The following ACSBG1 variants were observed in gnomAD, a reference collection of about 807,000 sequenced individuals.
The protein encoded by ACSBG1 is acyl-CoA synthetase bubblegum family member 1.
ACSBG1 carries 39 observed loss-of-function variants against 80.2 expected under a neutral mutation model. The observed-to-expected ratio is 0.49, with a 90% CI of 0.38 to 0.64. The LOEUF is 0.64. ACSBG1 is among the 30% of genes least tolerant of loss of function. The pLI is 0.00. For missense variants in ACSBG1, 828 were observed against 966.4 expected (o/e 0.86, Z 1.90); for synonymous variants, 392 against 379.5 (o/e 1.03, Z -0.38).
chr15:78,234,406 C>G lies in ACSBG1; in HGVS notation c.96G>C (p.Met32Ile). Residue 32 changes from methionine (M) to isoleucine (I), a missense_variant, in exon 1 of 14, where the codon ATG (methionine) becomes ATC (isoleucine). This residue lies in a region of ACSBG1 where 356 missense variants were observed against 363.5 expected (regional missense o/e 0.98). Coordinates refer to ENST00000258873, the MANE Select transcript of ACSBG1 (RefSeq NM_015162.5). Reference sequence around the variant, plus strand: ...ATTTTTCTTGGGTGGTCCTCACAATCATGTCCTGCCGGCTCTCCTGTGGGG... The same window carrying G: ...ATTTTTCTTGGGTGGTCCTCACAATGATGTCCTGCCGGCTCTCCTGTGGGG... ...RETPQESRQD[M>I]IVRTTQEKLK... is the part of the protein sequence containing the mutation. 3 of 1,612,852 alleles carry G rather than the reference C, an allele frequency of 1.9e-6. No individual in the cohort carries two copies. The highest frequency in any genetic ancestry group is 2.5e-6 in the Non-Finnish European group (3 of 1,180,040).
intron 11 of ACSBG1, 55 bp from the exon 12 acceptor site, chr15:78,174,579 GAACCACAACCCAAGCCTC>G (rs2074864199): frequency 1.3e-6 from 2 of 1,569,374 alleles, no homozygotes; most frequent in Non-Finnish European, 1.7e-6. Context: ...TGCCCCAGCT[GAACCACAACCCAAGCCTC>G]AACCACAACC....
At chr15:78,223,002 T>A (rs538348828) in intron 1 of ACSBG1, among the ~76,000 whole-genome samples, 4 of 152,210 alleles carry the variant, frequency 2.6e-5, no homozygotes, top group Non-Finnish European at 5.9e-5. Context: ...ATAGGTAGAA[T>A]CTAATTTCCC....
chr15:78,181,586 T>C (rs1420128427), intron 8 of ACSBG1, among the ~76,000 whole-genome samples: 1 of 145,640 alleles, frequency 6.9e-6, no homozygotes, highest in African/African-American at 2.5e-5. Context: ...CTCCACCTCC[T>C]GGGTTCACGC....
At chr15:78,229,899 C>T (rs1332422349) in intron 1 of ACSBG1, among the ~76,000 whole-genome samples, 4 of 152,292 alleles carry the variant, frequency 2.6e-5, no homozygotes, top group South Asian at 4.1e-4. Flanking sequence ...AGGAGTTAGC[C>T]GGTCCCCAAC....
In ACSBG1 at chr15:78,173,766, A is replaced by C; in HGVS notation, c.1916T>G (p.Val639Gly). ...TEQAMEFCQR[V>G]GSRATTVSEI... is the part of the protein sequence containing the mutation. Reference sequence around the variant, plus strand: ...GGACACTGTGGTGGCTCTGCTGCCCACCCTCTGGCAGAACTCCATAGCTTG... The same window carrying C: ...GGACACTGTGGTGGCTCTGCTGCCCCCCCTCTGGCAGAACTCCATAGCTTG... The change falls in exon 13 of 14, where the codon GTG becomes GGG. Residue 639 changes from valine to glycine, a missense_variant. Physicochemically the swap from Val to Gly is moderately radical, Grantham distance 109. This residue lies in a region of ACSBG1 where 201 missense variants were observed against 227.0 expected (regional missense o/e 0.89). Coordinates refer to ENST00000258873, the MANE Select transcript of ACSBG1 (RefSeq NM_015162.5). 3 of 1,613,946 alleles carry C rather than the reference A, an allele frequency of 1.9e-6. No individual in the cohort carries two copies. Among genetic ancestry groups the C allele is most frequent in the Non-Finnish European group, 2.5e-6 (3 of 1,180,004 alleles).
At chr15:78,202,994 A>G (rs1372003734) in intron 2 of ACSBG1, among the ~76,000 whole-genome samples, 1 of 152,212 alleles carries the variant, frequency 6.6e-6, no homozygotes, top group Non-Finnish European at 1.5e-5. Context: ...ATAAAGTACA[A>G]AAAGAATATT....
At chr15:78,228,410 T>C (rs1456729479) in intron 1 of ACSBG1, among the ~76,000 whole-genome samples, 9 of 152,308 alleles carry the variant, frequency 5.9e-5, no homozygotes, top group African/African-American at 1.9e-4. Context: ...TGTAATACAG[T>C]GGGTTGGACT....
At chr15:78,215,484 C>T (rs960437103) in intron 1 of ACSBG1, among the ~76,000 whole-genome samples, 2 of 152,016 alleles carry the variant, frequency 1.3e-5, no homozygotes, top group Non-Finnish European at 2.9e-5. Context: ...TGGTGAAACC[C>T]CGTCTCTACT....
At position 78,182,731 on chromosome 15, in the gene ACSBG1, G is replaced by T. The variant is rs553530270; in HGVS notation, c.718C>A (p.Pro240Thr). The change falls in exon 6 of 14, where the codon CCA (proline) becomes ACA (threonine). Residue 240 changes from proline to threonine, a missense_variant. By Grantham distance (38) the Pro-to-Thr change is conservative (BLOSUM62 -1). Coordinates refer to ENST00000258873, the MANE Select transcript of ACSBG1 (RefSeq NM_015162.5). ...KAVVIYKEPP[P>T]NKMANVYTME... ...GTGTACACATTGGCCATCTTGTTTG[G>T]AGGAGGTTCTTTATATATCACGACT... The T allele has an allele frequency of 1.2e-6, 2 of 1,614,242 alleles. No homozygotes were observed. The highest frequency in any genetic ancestry group is 3.3e-5 in the Admixed American group (2 of 60,034).
intron 5 of ACSBG1, among the ~76,000 whole-genome samples, chr15:78,186,545 A>C (rs1465500148): frequency 6.6e-6 from 1 of 152,248 alleles, no homozygotes; most frequent in Non-Finnish European, 1.5e-5. Flanking sequence ...AACTACATGG[A>C]AACTGAACAA....
chr15:78,207,917 T>TCCCCCCCCCCACCCCCCCCC, intron 2 of ACSBG1, 85 bp downstream of exon 2: 11 of 876,060 alleles, frequency 1.3e-5, no homozygotes, highest in East Asian at 8.1e-5. Context: ...TGTGTGGTGG[T>TCCCCCCCCCCACCCCCCCCC]CCCCCACACC....
intron 2 of ACSBG1, among the ~76,000 whole-genome samples, chr15:78,198,808 A>C (rs375167730): frequency 2.0e-5 from 3 of 152,356 alleles, no homozygotes; most frequent in East Asian, 3.9e-4. Flanking sequence ...TATGAAAAAT[A>C]AGGTGGCAGG....
chr15:78,173,718 T>C lies in ACSBG1; in HGVS notation c.1964A>G (p.Glu655Gly). ...TVSEIIEKKD[E>G]AVYQAIEEGI... is the part of the protein sequence containing the mutation. ...CTCTTCGATGGCCTGGTACACGGCC[T>C]CATCCTTCTTCTCTATGATCTCGGA... The change falls in exon 13 of 14, where the codon GAG becomes GGG. Residue 655 changes from glutamate to glycine, a missense_variant. Physicochemically the swap from Glu to Gly is moderately conservative, Grantham distance 98. Transcript: ENST00000258873. 6.2e-7 allele frequency: 1 copy of C among 1,614,260 alleles called. No individual in the cohort carries two copies. The highest frequency in any genetic ancestry group is 1.1e-5 in the South Asian group (1 of 91,084).
chr15:78,207,493 T>G (rs553877174), intron 2 of ACSBG1, among the ~76,000 whole-genome samples: 1 of 152,238 alleles, frequency 6.6e-6, no homozygotes, highest in East Asian at 1.9e-4. Context: ...AGAGTCAGAG[T>G]AAATAACTCT....
At position 78,178,695 on chromosome 15, in the gene ACSBG1, C is replaced by T. The variant is rs774297634; in HGVS notation, c.1621G>A (p.Asp541Asn). 9.9e-6 allele frequency: 16 copies of T among 1,613,878 alleles called. No homozygotes were observed. Among genetic ancestry groups the T allele is most frequent in the Middle Eastern group, 1.6e-4 (1 of 6,084 alleles). The change falls in exon 11 of 14, where the codon GAC becomes AAC. Residue 541 changes from aspartate (D) to asparagine (N), a missense_variant. Around this residue, in one of 3 missense-constraint regions of ACSBG1, gnomAD observed 271 missense variants for 375.9 expected, o/e 0.72. Coordinates refer to ENST00000258873, the MANE Select transcript of ACSBG1 (RefSeq NM_015162.5). The surrounding 1 kb of genome is among the most constrained non-coding windows in gnomAD (Gnocchi z 4.3). The part of the protein sequence containing the change: ...NMEDKTCEAI[D>N]EEGWLHTGDA... ...CCCGTGTGCAGCCAGCCTTCCTCGT[C>T]GATGGCCTCACAAGTCTTGTCCTCC... is the stretch of plus-strand genomic sequence containing the variant.
chr15:78,204,828 T>G (rs903545045), intron 2 of ACSBG1, among the ~76,000 whole-genome samples: 2 of 152,198 alleles, frequency 1.3e-5, no homozygotes, highest in Non-Finnish European at 2.9e-5. Flanking sequence ...CCCTAGCGCA[T>G]AGCTCCAGCC....
chr15:78,226,609 CAAAA>C, intron 1 of ACSBG1: 4 of 77,720 alleles, frequency 5.1e-5, no homozygotes, highest in Non-Finnish European at 1.0e-4. Flanking sequence ...TCCATCTCTA[CAAAA>C]AAAAAAAAAA....
intron 7 of ACSBG1, 140 bp downstream of exon 7, chr15:78,182,326 G>A (rs2074954943): frequency 2.2e-6 from 3 of 1,351,428 alleles, no homozygotes; most frequent in Non-Finnish European, 3.0e-6. Context: ...GCCACAGATT[G>A]ATGGGCTGTT....
intron 1 of ACSBG1, among the ~76,000 whole-genome samples, chr15:78,211,651 T>C (rs2075268183): frequency 6.6e-6 from 1 of 152,158 alleles, no homozygotes; most frequent in Non-Finnish European, 1.5e-5. Flanking sequence ...GCAAATATGA[T>C]GTAAGATGTG....
Sources: allele counts gnomAD v4.1 joint callset (sites outside exome capture counted in the v4.1 genomes callset), GRCh38; gene constraint gnomAD v4.1.1; regional missense constraint gnomAD v4.1.1; non-coding constraint Gnocchi (gnomAD v3.1); transcripts MANE v1.5; gene names NCBI Gene and HGNC (gene_info 2026-07-23, HGNC 2026-07-21).